Variants in CALCR observed in about 807,000 individuals in gnomAD.
CALCR encodes calcitonin receptor.
In CALCR, 47 loss-of-function variants were observed where a neutral mutation model predicts 59.5. The ratio of observed to expected loss-of-function variants is 0.79; its 90% CI spans 0.63 to 1.01. The LOEUF (loss-of-function observed/expected upper bound fraction) is 1.01, where lower values mean the gene tolerates loss of function less well. Ranked by LOEUF, CALCR falls within the 50% of genes least tolerant of loss-of-function variation. The probability of loss-of-function intolerance (pLI) is 0.00; values close to 1 mark genes in which losing one functional copy is unlikely to be tolerated. For synonymous variants in CALCR, 213 were observed against 211.3 expected, an observed-to-expected ratio of 1.01 and a Z score of -0.07; for missense variants, 566 against 597.1, an observed-to-expected ratio of 0.95 and a Z score of 0.54.
intron 2 of CALCR, among the ~76,000 whole-genome samples, chr7:93,523,007 G>T (rs905347422): frequency 2.6e-5 from 4 of 152,098 alleles, no homozygotes; most frequent in Admixed American, 2.6e-4. Flanking sequence ...CATTATTAAA[G>T]TTAATGTTTT....
chr7:93,493,225 T>C (rs1021897560), intron 2 of CALCR, among the ~76,000 whole-genome samples: 22 of 151,378 alleles, frequency 1.5e-4, no homozygotes, highest in African/African-American at 5.3e-4. Flanking sequence ...TGTGATCTAA[T>C]GAGTTAAATA....
chr7:93,536,535 T>A (rs1026743123), intron 2 of CALCR, among the ~76,000 whole-genome samples: 3 of 80,432 alleles, frequency 3.7e-5, no homozygotes, highest in Non-Finnish European at 1.1e-4. Flanking sequence ...GAAACCTTTT[T>A]ATTTTATTTT....
intron 2 of CALCR, among the ~76,000 whole-genome samples, chr7:93,567,361 G>T (rs913558999): frequency 3.9e-5 from 6 of 152,034 alleles, no homozygotes; most frequent in Non-Finnish European, 5.9e-5. Flanking sequence ...GAGAAGAGAG[G>T]GTCTCCTGGA....
rs35342665 is a variant in CALCR at position 93,438,087 on chromosome 7, G to A, written c.903C>T (p.Ile301=). 1 of 1,613,894 alleles carries A rather than the reference G, an allele frequency of 6.2e-7. No individual in the cohort carries two copies. Among genetic ancestry groups the A allele is most frequent in the Non-Finnish European group, 8.5e-7 (1 of 1,179,846 alleles). ...CAAGTGCCGCCATGACAGGTCCATG[G>A]ATTATGTAAAGCAAATGGGTTTCCA... The part of the protein sequence containing the change: ...LSVETHLLYI[I]HGPVMAALVV... The change falls in exon 11 of 14, where the codon ATC becomes ATT. Residue 301 remains isoleucine (I), a synonymous_variant. Coordinates refer to ENST00000426151, the MANE Select transcript of CALCR (RefSeq NM_001742.4).
intron 2 of CALCR, among the ~76,000 whole-genome samples, chr7:93,499,107 A>G (rs1801270731): frequency 6.6e-6 from 1 of 151,686 alleles, no homozygotes; most frequent in Admixed American, 6.6e-5. Context: ...TCACTCCAAG[A>G]TAGGCTCTAA....
intron 2 of CALCR, among the ~76,000 whole-genome samples, chr7:93,490,811 C>T (rs2188807): frequency 0.4 from 61,148 of 151,768 alleles, 13,022 homozygotes; most frequent in South Asian, 0.49. Flanking sequence ...GAATCGATAT[C>T]GTGAAAATGG....
intron 2 of CALCR, among the ~76,000 whole-genome samples, chr7:93,517,260 A>G (rs1801668524): frequency 7.5e-6 from 1 of 132,854 alleles, no homozygotes; most frequent in Non-Finnish European, 1.5e-5. Context: ...AGTAGTGGAA[A>G]GATCTTTGGA....
chr7:93,502,464 A>AT (rs1801338545), intron 2 of CALCR, among the ~76,000 whole-genome samples: 1 of 152,046 alleles, frequency 6.6e-6, no homozygotes, highest in Non-Finnish European at 1.5e-5. Context: ...GTTGTCAATG[A>AT]TTTTTTTCTT....
At chr7:93,485,037 A>C (rs2115920986) in intron 3 of CALCR, among the ~76,000 whole-genome samples, 1 of 151,910 alleles carries the variant, frequency 6.6e-6, no homozygotes, top group East Asian at 2.0e-4. Flanking sequence ...TCTAAAAAGT[A>C]ATATTTCGGA....
intron 7 of CALCR, 48 bp downstream of exon 7, chr7:93,468,667 A>G: frequency 7.6e-7 from 1 of 1,315,478 alleles, no homozygotes; most frequent in Non-Finnish European, 1.1e-6. Flanking sequence ...CATTCGTTTC[A>G]GTAACTTAAA....
intron 2 of CALCR, among the ~76,000 whole-genome samples, chr7:93,545,782 C>T (rs1789271389): frequency 6.6e-6 from 1 of 152,048 alleles, no homozygotes; most frequent in South Asian, 2.1e-4. Flanking sequence ...TCATATCACC[C>T]CTTTTTCATC....
intron 3 of CALCR, among the ~76,000 whole-genome samples, chr7:93,481,599 G>T (rs1224682435): frequency 6.6e-6 from 1 of 151,774 alleles, no homozygotes; most frequent in Non-Finnish European, 1.5e-5. Context: ...GTCCTATTTT[G>T]GGTTAGATTT....
intron 2 of CALCR, among the ~76,000 whole-genome samples, chr7:93,568,353 C>T (rs1217394192): frequency 6.6e-6 from 1 of 152,086 alleles, no homozygotes; most frequent in Non-Finnish European, 1.5e-5. Context: ...TCCATTTCCT[C>T]ATTTCACATT....
At chr7:93,510,975 A>G (rs750393128) in intron 2 of CALCR, among the ~76,000 whole-genome samples, 3 of 152,102 alleles carry the variant, frequency 2.0e-5, no homozygotes, top group Non-Finnish European at 2.9e-5. Context: ...TAGTTAGGGA[A>G]TGGAGCCTGG....
chr7:93,570,685 C>G (rs1789982311), intron 2 of CALCR, among the ~76,000 whole-genome samples: 1 of 152,130 alleles, frequency 6.6e-6, no homozygotes, highest in Admixed American at 6.5e-5. Flanking sequence ...CACTGGTACC[C>G]TGGAGGTACC....
chr7:93,566,072 A>G (rs1446522011), intron 2 of CALCR, among the ~76,000 whole-genome samples: 1 of 152,016 alleles, frequency 6.6e-6, no homozygotes, highest in African/African-American at 2.4e-5. Flanking sequence ...TATTATTATT[A>G]AAGAGATTTT....
chr7:93,477,784 A>G, intron 4 of CALCR, 116 bp from the exon 5 acceptor site: 1 of 614,570 alleles, frequency 1.6e-6, no homozygotes, highest in Non-Finnish European at 2.9e-6. Context: ...ATAACCAACC[A>G]CATTTCAAAC....
intron 2 of CALCR, among the ~76,000 whole-genome samples, chr7:93,534,126 G>A (rs1362761799): frequency 1.3e-5 from 2 of 151,744 alleles, no homozygotes; most frequent in South Asian, 2.1e-4. Flanking sequence ...TATCCAAATA[G>A]CTAAATATAA....
At chr7:93,559,321 C>T (rs1291755927) in intron 2 of CALCR, among the ~76,000 whole-genome samples, 2 of 152,070 alleles carry the variant, frequency 1.3e-5, no homozygotes, top group Non-Finnish European at 2.9e-5. Context: ...CCCTCAGTCC[C>T]TAAGACACAA....
Sources: gnomAD v4.1 joint callset for allele counts (sites outside exome capture counted in the v4.1 genomes callset) on GRCh38, gnomAD v4.1.1 for gene constraint, MANE v1.5 for transcripts, NCBI Gene and HGNC (gene_info 2026-07-23, HGNC 2026-07-21) for gene names.